Variants in SYNPR observed in about 807,000 individuals in gnomAD.
SYNPR encodes the protein synaptoporin.
In SYNPR, 23 loss-of-function variants were observed where a neutral mutation model predicts 32.9. The observed-to-expected ratio is 0.70, with a 90% CI of 0.50 to 0.99. SYNPR has a LOEUF of 0.99. Among genes scored for constraint, SYNPR ranks in the 50% least tolerant of loss-of-function variants. The pLI is 0.00. For missense variants in SYNPR, 318 were observed against 349.3 expected (o/e 0.91, Z 0.71); for synonymous variants, 146 against 135.9 (o/e 1.07, Z -0.52).
intron 1 of SYNPR, among the ~76,000 whole-genome samples, chr3:63,240,481 C>T (rs144432919): frequency 8.4e-4 from 127 of 152,012 alleles, no homozygotes; most frequent in African/African-American, 2.7e-3. Flanking sequence ...TGGGGGCCTC[C>T]GAAGTCTAGA....
At chr3:63,397,696 T>C (rs537293288) in intron 2 of SYNPR, among the ~76,000 whole-genome samples, 1 of 152,284 alleles carries the variant, frequency 6.6e-6, no homozygotes, top group East Asian at 1.9e-4. Flanking sequence ...CAGATTCAGT[T>C]TCAACCTATA....
At chr3:63,416,408 T>G in intron 2 of SYNPR, among the ~76,000 whole-genome samples, 1 of 151,944 alleles carries the variant, frequency 6.6e-6, no homozygotes, top group African/African-American at 2.4e-5. Flanking sequence ...GGTGCGTGCC[T>G]GTAGTCCCAG....
intron 3 of SYNPR, among the ~76,000 whole-genome samples, chr3:63,500,713 T>A (rs1701462474): frequency 6.6e-6 from 1 of 152,168 alleles, no homozygotes; most frequent in African/African-American, 2.4e-5. Context: ...TCAAAACTTG[T>A]TTTCACTCAC....
At chr3:63,344,166 T>C (rs1523439) in intron 2 of SYNPR, among the ~76,000 whole-genome samples, 70,647 of 152,062 alleles carry the variant, frequency 0.46, 17,465 homozygotes, top group Non-Finnish European at 0.55. Context: ...CAAACCTCTG[T>C]GTTCAGCAGA....
At chr3:63,293,340 TGTAGAGCC>T (rs1252377322) in intron 2 of SYNPR, among the ~76,000 whole-genome samples, 1 of 152,164 alleles carries the variant, frequency 6.6e-6, no homozygotes, top group Non-Finnish European at 1.5e-5. Flanking sequence ...GGACATGCTA[TGTAGAGCC>T]GTTTTATGCA....
intron 3 of SYNPR, among the ~76,000 whole-genome samples, chr3:63,551,309 T>C (rs1317594766): frequency 2.0e-5 from 3 of 152,244 alleles, no homozygotes; most frequent in Non-Finnish European, 4.4e-5. Context: ...TATTTATTCA[T>C]TCGTCAGTTA....
intron 2 of SYNPR, among the ~76,000 whole-genome samples, chr3:63,345,317 C>T (rs1193757890): frequency 6.6e-6 from 1 of 152,206 alleles, no homozygotes; most frequent in Non-Finnish European, 1.5e-5. Context: ...TTAACTTGGC[C>T]TATGGCCAGG....
At chr3:63,433,922 T>C (rs763264990) in intron 2 of SYNPR, among the ~76,000 whole-genome samples, 2 of 152,198 alleles carry the variant, frequency 1.3e-5, no homozygotes, top group Non-Finnish European at 2.9e-5. Context: ...CAGATCCCTT[T>C]AGACCAACTC....
chr3:63,326,495 A>G (rs1194994657), intron 2 of SYNPR, among the ~76,000 whole-genome samples: 5 of 152,168 alleles, frequency 3.3e-5, no homozygotes, highest in Non-Finnish European at 7.3e-5. Context: ...TTCGTAACAA[A>G]TAGGATTATA....
intron 4 of SYNPR, among the ~76,000 whole-genome samples, chr3:63,576,981 T>A (rs1211358193): frequency 2.0e-5 from 3 of 152,084 alleles, no homozygotes; most frequent in Non-Finnish European, 4.4e-5. Flanking sequence ...CTAGTCAAAC[T>A]GGCTGAACCA....
chr3:63,209,145 C>A, the SYNPR span, among the ~76,000 whole-genome samples: 20 of 152,052 alleles, frequency 1.3e-4, no homozygotes, highest in African/African-American at 4.6e-4. Flanking sequence ...AGTGAAACCC[C>A]GTCTCTACTA....
At chr3:63,219,333 G>A in the SYNPR span, among the ~76,000 whole-genome samples, 3 of 152,214 alleles carry the variant, frequency 2.0e-5, no homozygotes, top group African/African-American at 7.2e-5. Context: ...GAGTACAGAG[G>A]AGGCGGAGGA....
At chr3:63,499,438 T>G (rs1382999177) in intron 3 of SYNPR, among the ~76,000 whole-genome samples, 1 of 152,048 alleles carries the variant, frequency 6.6e-6, no homozygotes, top group Non-Finnish European at 1.5e-5. Flanking sequence ...TTTGGGGAAT[T>G]TGCACCAAGA....
chr3:63,518,373 C>T (rs553661844), intron 3 of SYNPR, among the ~76,000 whole-genome samples: 1 of 152,196 alleles, frequency 6.6e-6, no homozygotes, highest in African/African-American at 2.4e-5. Flanking sequence ...AACAGACATG[C>T]TTGACCCCTC....
chr3:63,350,271 G>A (rs904171038), intron 2 of SYNPR, among the ~76,000 whole-genome samples: 2 of 151,936 alleles, frequency 1.3e-5, no homozygotes, highest in Admixed American at 6.6e-5. Context: ...CTCTATAGGG[G>A]AGACTATTCC....
At chr3:63,382,139 C>T (rs1247855647) in intron 2 of SYNPR, among the ~76,000 whole-genome samples, 1 of 152,100 alleles carries the variant, frequency 6.6e-6, no homozygotes, top group Non-Finnish European at 1.5e-5. Flanking sequence ...ATTATATTTG[C>T]CCATAATCTG....
chr3:63,554,202 G>A (rs561408606), intron 3 of SYNPR, among the ~76,000 whole-genome samples: 18 of 152,274 alleles, frequency 1.2e-4, no homozygotes, highest in African/African-American at 4.3e-4. Context: ...ATTTTCCTGT[G>A]CAGAAACTCT....
chr3:63,591,920 A>AT (rs1699835441), intron 4 of SYNPR, among the ~76,000 whole-genome samples: 1 of 132,728 alleles, frequency 7.5e-6, no homozygotes, highest in Non-Finnish European at 1.6e-5. Context: ...TTAAAGTATA[A>AT]TAAAAAAAAA....
intron 2 of SYNPR, among the ~76,000 whole-genome samples, chr3:63,356,506 A>C (rs1337431419): frequency 6.6e-6 from 1 of 152,268 alleles, no homozygotes; most frequent in Non-Finnish European, 1.5e-5. Context: ...AGATGAGGGA[A>C]TAAAACAGAG....
Sources: gnomAD v4.1 joint callset for allele counts (sites outside exome capture counted in the v4.1 genomes callset) on GRCh38, gnomAD v4.1.1 for gene constraint, MANE v1.5 for transcripts, NCBI Gene and HGNC (gene_info 2026-07-23, HGNC 2026-07-21) for gene names.